CFAP299: variants seen among roughly 807,000 people sequenced by gnomAD.
CFAP299 encodes the protein cilia and flagella associated protein 299.
In CFAP299, 21 loss-of-function variants were observed where a neutral mutation model predicts 27.0. That is an observed-to-expected ratio of 0.78 (90% confidence interval 0.55 to 1.12). CFAP299 has a LOEUF of 1.12. CFAP299 is among the 50% of genes most tolerant of loss of function. The probability of loss-of-function intolerance (pLI) is 0.00; values close to 1 mark genes in which losing one functional copy is unlikely to be tolerated. For missense variants in CFAP299, 310 were observed against 276.6 expected (o/e 1.12, Z -0.86); for synonymous variants, 104 against 98.1 (o/e 1.06, Z -0.36).
chr4:80,935,443 T>C (rs1391538135), intron 4 of CFAP299, among the ~76,000 whole-genome samples: 1 of 150,338 alleles, frequency 6.7e-6, no homozygotes. Context: ...ACAAATATGA[T>C]TTTTTTTAAA....
At chr4:80,937,308 C>CTTTATTTT (rs1736948672) in intron 4 of CFAP299, among the ~76,000 whole-genome samples, 1 of 90,820 alleles carries the variant, frequency 1.1e-5, no homozygotes, top group African/African-American at 5.1e-5. Context: ...CTTTTTTTTT[C>CTTTATTTT]TTTCTTTTTT....
At chr4:80,487,146 T>A (rs1479426240) in intron 2 of CFAP299, among the ~76,000 whole-genome samples, 4 of 152,212 alleles carry the variant, frequency 2.6e-5, no homozygotes, top group Non-Finnish European at 5.9e-5. Flanking sequence ...GAAACTAGCA[T>A]AAAATAACTC....
At chr4:80,719,422 C>G (rs1314248858) in intron 3 of CFAP299, among the ~76,000 whole-genome samples, 2 of 152,166 alleles carry the variant, frequency 1.3e-5, no homozygotes, top group East Asian at 3.8e-4. Flanking sequence ...CTATGCTTAA[C>G]TTTATAGAAA....
intron 3 of CFAP299, among the ~76,000 whole-genome samples, chr4:80,849,588 A>G (rs904316348): frequency 3.3e-5 from 5 of 152,190 alleles, no homozygotes; most frequent in African/African-American, 9.6e-5. Context: ...TTTGCTGGAA[A>G]TTTTGAGGGG....
At chr4:80,870,647 A>T in intron 4 of CFAP299, 2 of 985,712 alleles carry the variant, frequency 2.0e-6, no homozygotes, top group Non-Finnish European at 2.4e-6. Flanking sequence ...ATCACCTAGC[A>T]TCTACCCTAC....
intron 4 of CFAP299, among the ~76,000 whole-genome samples, chr4:80,876,312 A>G (rs1733373909): frequency 6.6e-6 from 1 of 152,018 alleles, no homozygotes; most frequent in Non-Finnish European, 1.5e-5. Context: ...ATGGAAGGTA[A>G]TTGAATCATG....
intron 2 of CFAP299, among the ~76,000 whole-genome samples, chr4:80,439,608 A>G (rs1728255570): frequency 6.6e-6 from 1 of 152,120 alleles, no homozygotes; most frequent in African/African-American, 2.4e-5. Flanking sequence ...TCAAGCACAA[A>G]ACTAGGTGGC....
Position 80,730,248 on chromosome 4 carries a change from C to CTCTCTG in CFAP299, c.334-139744_334-139743insCTCTGT, listed in dbSNP as rs1553953972. ...TCTCTTTCTCTCTCTCTCTCTCTCT[C>CTCTCTG]TGTGTGTGTGTGTGTGTGTGTGTGT... On this transcript the variant is annotated intron_variant, in intron 3 of 5. Coordinates refer to ENST00000358105, the MANE Select transcript of CFAP299 (RefSeq NM_152770.3). Among the ~76,000 whole-genome samples, 1,266 of 130,834 alleles carry CTCTCTG rather than the reference C, an allele frequency of 9.7e-3. 11 individuals are homozygous for CTCTCTG. Among genetic ancestry groups the CTCTCTG allele is most frequent in the African/African-American group, 0.028 (908 of 32,678 alleles). The allele number at this position is 130,834 out of a possible 152,430, so 85.8% of individuals were successfully genotyped here. A position where few individuals can be genotyped will look rare whatever the true frequency, so the allele number is the denominator to read the frequency against.
At chr4:80,634,544 G>A (rs1739393615) in intron 3 of CFAP299, among the ~76,000 whole-genome samples, 1 of 151,934 alleles carries the variant, frequency 6.6e-6, no homozygotes, top group Non-Finnish European at 1.5e-5. Flanking sequence ...TAAATACTAT[G>A]CTAATGTTTA....
At chr4:80,657,771 C>T (rs1305626007) in intron 3 of CFAP299, among the ~76,000 whole-genome samples, 2 of 152,022 alleles carry the variant, frequency 1.3e-5, no homozygotes, top group Non-Finnish European at 1.5e-5. Flanking sequence ...TGAAAAAAGT[C>T]GATGGTAGCT....
chr4:80,401,370 G>A (rs1726145717), intron 2 of CFAP299, among the ~76,000 whole-genome samples: 1 of 152,164 alleles, frequency 6.6e-6, no homozygotes, highest in African/African-American at 2.4e-5. Context: ...AGTGGACTGG[G>A]CCCAGGGTTC....
intron 3 of CFAP299, among the ~76,000 whole-genome samples, chr4:80,820,295 A>G (rs1729634827): frequency 6.6e-6 from 1 of 152,190 alleles, no homozygotes; most frequent in South Asian, 2.1e-4. Flanking sequence ...CTACTATATG[A>G]AGCCTATTCC....
At chr4:80,908,049 A>G (rs892992941) in intron 4 of CFAP299, among the ~76,000 whole-genome samples, 4 of 152,156 alleles carry the variant, frequency 2.6e-5, no homozygotes, top group Non-Finnish European at 5.9e-5. Context: ...ATTCTTTTCA[A>G]CCTGAGATTA....
At position 80,799,436 on chromosome 4, in the gene CFAP299, TA is replaced by T. The variant is rs1264713349; in HGVS notation, c.334-70555del. 2.2e-4 allele frequency among the ~76,000 whole-genome samples: 20 copies of T among 92,310 alleles called. No homozygotes were observed. The East Asian group carries it at 6.6e-3, about 30-fold the overall frequency. 60.6% of individuals were successfully genotyped at this position (92,310 alleles called of 152,430 possible). A position where few individuals can be genotyped will look rare whatever the true frequency, so the allele number is the denominator to read the frequency against. The stretch of plus-strand genomic sequence containing the variant: ...ATATAAGTAATATTTATAATATATA[TA>T]ATATTTATAAAATATATATAATATA... On this transcript the variant is annotated intron_variant, in intron 3 of 5. Transcript: ENST00000358105.
At chr4:80,344,198 C>T (rs985106223) in intron 1 of CFAP299, among the ~76,000 whole-genome samples, 3 of 151,664 alleles carry the variant, frequency 2.0e-5, no homozygotes, top group Middle Eastern at 6.8e-3. Context: ...AAAAAATCAA[C>T]AAATCCAGGA....
chr4:80,763,031 ATC>A (rs1725626551), intron 3 of CFAP299, among the ~76,000 whole-genome samples: 1 of 152,114 alleles, frequency 6.6e-6, no homozygotes, highest in Admixed American at 6.5e-5. Context: ...CTTTTTCTCT[ATC>A]TGTTTTCCAG....
chr4:80,886,586 T>A (rs1190802924), intron 4 of CFAP299, among the ~76,000 whole-genome samples: 1 of 152,166 alleles, frequency 6.6e-6, no homozygotes, highest in Non-Finnish European at 1.5e-5. Context: ...TTTAAATATT[T>A]GGAAAGCCTT....
At chr4:80,512,582 C>T (rs1027980962) in intron 2 of CFAP299, among the ~76,000 whole-genome samples, 5 of 152,016 alleles carry the variant, frequency 3.3e-5, no homozygotes, top group African/African-American at 1.2e-4. Context: ...CATAGTGAGG[C>T]GATGAGGAAA....
chr4:80,328,977 G>A, the CFAP299 span, among the ~76,000 whole-genome samples: 3 of 152,008 alleles, frequency 2.0e-5, no homozygotes, highest in Non-Finnish European at 4.4e-5. Flanking sequence ...CACCAAGCTT[G>A]TCAAACCCGC....
Sources: gnomAD v4.1 joint callset for allele counts (sites outside exome capture counted in the v4.1 genomes callset) on GRCh38, gnomAD v4.1.1 for gene constraint, MANE v1.5 for transcripts, NCBI Gene and HGNC (gene_info 2026-07-23, HGNC 2026-07-21) for gene names.